Variants in SARDH observed in about 807,000 individuals in gnomAD.
SARDH encodes sarcosine dehydrogenase, also known as sarcosine dehydrogenase, mitochondrial.
Under a neutral mutation model 109.1 loss-of-function variants are expected in SARDH, and 95 were observed. The observed-to-expected ratio is 0.87, with a 90% CI of 0.74 to 1.03. SARDH has a LOEUF of 1.03. SARDH is among the 50% of genes least tolerant of loss of function. SARDH has a pLI of 0.00. For synonymous variants in SARDH, 572 were observed against 534.8 expected (o/e 1.07, Z -0.96); for missense variants, 1,267 against 1,287.8 (o/e 0.98, Z 0.25).
intron 13 of SARDH, 105 bp from the exon 14 acceptor site, chr9:133,696,466 C>G (rs1831293483): frequency 7.2e-7 from 1 of 1,388,210 alleles, no homozygotes; most frequent in African/African-American, 1.4e-5. Context: ...CTGTACTGAG[C>G]CTCCCCTCCC....
downstream of SARDH, among the ~76,000 whole-genome samples, chr9:133,659,521 T>G (rs530560081): frequency 6.6e-6 from 1 of 152,176 alleles, no homozygotes; most frequent in Non-Finnish European, 1.5e-5. Flanking sequence ...AGTTCAGCTC[T>G]TTGATGGTTT....
intron 8 of SARDH, among the ~76,000 whole-genome samples, chr9:133,714,074 C>T (rs1221112346): frequency 6.6e-6 from 1 of 152,232 alleles, no homozygotes; most frequent in Admixed American, 6.5e-5. Flanking sequence ...CAGCACCACA[C>T]CATGTTAGAC....
At chr9:133,720,726 A>T (rs1334066439) in intron 6 of SARDH, among the ~76,000 whole-genome samples, 3 of 152,234 alleles carry the variant, frequency 2.0e-5, no homozygotes, top group African/African-American at 7.2e-5. Context: ...CCATGAGAAC[A>T]GTATGGGGGA....
At position 133,708,413 on chromosome 9, in the gene SARDH, C is replaced by T. The variant is rs373841153; in HGVS notation, c.1344G>A (p.Ser448=). The change falls in exon 11 of 21, where the codon TCG becomes TCA. Residue 448 remains serine (S), a synonymous_variant. Coordinates refer to ENST00000439388, the MANE Select transcript of SARDH (RefSeq NM_001134707.2). ...HGYDIRRFHH[S]LTDHPRWIRE... ...GGATCCAGCGGGGGTGGTCCGTGAG[C>T]GAGTGATGGAAGCGCCTGCCGCAGA... 2.5e-6 allele frequency: 4 copies of T among 1,610,094 alleles called. No individual in the cohort carries two copies. Among genetic ancestry groups the T allele is most frequent in the Non-Finnish European group, 3.4e-6 (4 of 1,178,722 alleles).
At chr9:133,665,539 T>C in intron 20 of SARDH, among the ~76,000 whole-genome samples, 1 of 152,124 alleles carries the variant, frequency 6.6e-6, no homozygotes, top group East Asian at 1.9e-4. Context: ...AAACTGAGGC[T>C]CCAAGAGAGG....
rs1286604657 is a variant in SARDH at position 133,713,141 on chromosome 9, G to C, written c.1151-17C>G. ...TGAAGGATTCTGAAAGAAGGAGAGA[G>C]AGGCCTGGAGTCCCTTTTGCAGTGC... is the stretch of plus-strand genomic sequence containing the variant. On this transcript the variant is annotated splice_polypyrimidine_tract_variant and intron_variant, in intron 8 of 20. Coordinates refer to ENST00000439388, the MANE Select transcript of SARDH (RefSeq NM_001134707.2). 6.2e-7 allele frequency: 1 copy of C among 1,607,096 alleles called. No individual in the cohort carries two copies. The highest frequency in any genetic ancestry group is 8.5e-7 in the Non-Finnish European group (1 of 1,175,444).
At chr9:133,708,250 C>G (rs759588501) in intron 11 of SARDH, 37 bp downstream of exon 11, 1 of 1,593,334 alleles carries the variant, frequency 6.3e-7, no homozygotes, top group Non-Finnish European at 8.6e-7. Context: ...CCCAGACCCT[C>G]GCTGCCAGTC....
At chr9:133,702,644 G>C (rs1417923244) in intron 13 of SARDH, among the ~76,000 whole-genome samples, 1 of 152,206 alleles carries the variant, frequency 6.6e-6, no homozygotes, top group Non-Finnish European at 1.5e-5. Context: ...GCCCCAGCCC[G>C]TTGCCTCCGC....
At position 133,731,237 on chromosome 9, in the gene SARDH, T is replaced by A. The variant is rs371527228; in HGVS notation, c.690+68A>T. The A allele has an allele frequency of 5.7e-5, 90 of 1,571,726 alleles. No homozygotes were observed. The East Asian group carries it at 1.9e-3, about 33-fold the overall frequency. On this transcript the variant is annotated intron_variant, in intron 4 of 20. Coordinates refer to ENST00000439388, the MANE Select transcript of SARDH (RefSeq NM_001134707.2). ...TGGCTCTTGTTCTCTTCCCTTCTGC[T>A]CTCAGGGTTCTAAGGCAGGAGGAGT...
intron 6 of SARDH, among the ~76,000 whole-genome samples, chr9:133,720,399 G>C (rs911378574): frequency 6.6e-6 from 1 of 152,226 alleles, no homozygotes; most frequent in Non-Finnish European, 1.5e-5. Flanking sequence ...TTGCACTCCA[G>C]CCTGGGCAAC....
intron 17 of SARDH, among the ~76,000 whole-genome samples, chr9:133,676,153 C>T (rs1485537977): frequency 6.6e-6 from 1 of 151,622 alleles, no homozygotes; most frequent in African/African-American, 2.4e-5. Flanking sequence ...GTTCTATCCA[C>T]ATGAAGGAAT....
At chr9:133,738,572 A>C (rs1832961696), upstream of SARDH, among the ~76,000 whole-genome samples, 1 of 152,048 alleles carries the variant, frequency 6.6e-6, no homozygotes. Flanking sequence ...TCCAACCCTC[A>C]TTTCCTCGTC....
intron 13 of SARDH, among the ~76,000 whole-genome samples, chr9:133,697,169 G>A (rs1219194141): frequency 1.3e-5 from 2 of 152,146 alleles, no homozygotes; most frequent in East Asian, 1.9e-4. Flanking sequence ...CTCCGAACAC[G>A]TGTATGCCAA....
Position 133,712,975 on chromosome 9 carries a change from C to A in SARDH, c.1237+63G>T, listed in dbSNP as rs573694943. The A allele has an allele frequency of 2.6e-6, 4 of 1,510,264 alleles. No homozygotes were observed. Among genetic ancestry groups the A allele is most frequent in the African/African-American group, 1.4e-5 (1 of 72,882 alleles). The allele number at this position is 1,510,264 out of a possible 1,614,324, so 93.6% of individuals were successfully genotyped here. A position where few individuals can be genotyped will look rare whatever the true frequency, so the allele number is the denominator to read the frequency against. On this transcript the variant is annotated intron_variant, in intron 9 of 20. Transcript: ENST00000439388. The surrounding 1 kb of genome is among the most constrained non-coding windows in gnomAD (Gnocchi z 4.1). Reference sequence around the variant, plus strand: ...ACGGTGCTCCTGCGCCCGCCTCCCCCAGAGCTCTGGGAATGACAGGACCTC... The same window carrying A: ...ACGGTGCTCCTGCGCCCGCCTCCCCAAGAGCTCTGGGAATGACAGGACCTC...
At position 133,693,476 on chromosome 9, in the gene SARDH, C is replaced by A. The variant is rs1165448931; in HGVS notation, c.1921+782G>T. Among the ~76,000 whole-genome samples the A allele has an allele frequency of 6.6e-6, 1 of 152,230 alleles. No individual in the cohort carries two copies. Among genetic ancestry groups the A allele is most frequent in the Non-Finnish European group, 1.5e-5 (1 of 68,038 alleles). ...GGCTGAGCCCTCCCCGCTGACTGTGCCCCTGCCCCGGGGACAGCACAGAGA... is the reference window on the plus strand; with the variant it reads ...GGCTGAGCCCTCCCCGCTGACTGTGACCCTGCCCCGGGGACAGCACAGAGA... On this transcript the variant is annotated intron_variant, in intron 15 of 20. Coordinates refer to ENST00000439388, the MANE Select transcript of SARDH (RefSeq NM_001134707.2). This position sits in a 1 kb window ranked among gnomAD's most constrained non-coding sequence, Gnocchi z 5.6.
intron 6 of SARDH, among the ~76,000 whole-genome samples, chr9:133,720,526 C>T (rs1009023107): frequency 4.6e-5 from 7 of 152,200 alleles, no homozygotes; most frequent in Admixed American, 4.6e-4. Flanking sequence ...ATACCCAAGA[C>T]TGGGTAATTT....
intron 6 of SARDH, 121 bp downstream of exon 6, chr9:133,729,644 C>G: frequency 1.3e-6 from 1 of 751,918 alleles, no homozygotes; most frequent in Non-Finnish European, 2.2e-6. Context: ...GATGAGGTGA[C>G]TGAGGCTTGG....
At chr9:133,670,513 C>T in intron 19 of SARDH, 71 bp downstream of exon 19, 2 of 1,497,804 alleles carry the variant, frequency 1.3e-6, no homozygotes, top group Non-Finnish European at 1.8e-6. Flanking sequence ...GAGTGGGGGA[C>T]CAAGAAGCGC....
chr9:133,671,463 C>G, intron 18 of SARDH, 72 bp downstream of exon 18: 2 of 1,463,022 alleles, frequency 1.4e-6, no homozygotes, highest in East Asian at 2.6e-5. Context: ...TTCTCGGCCT[C>G]CAGGTGTCTC....
Sources: allele counts gnomAD v4.1 joint callset (sites outside exome capture counted in the v4.1 genomes callset), GRCh38; gene constraint gnomAD v4.1.1; non-coding constraint Gnocchi (gnomAD v3.1); transcripts MANE v1.5; gene names NCBI Gene and HGNC (gene_info 2026-07-23, HGNC 2026-07-21).